COL5A2: variants seen among roughly 807,000 people sequenced by gnomAD.
COL5A2 encodes collagen type V alpha 2 chain.
COL5A2 carries 23 observed loss-of-function variants against 208.2 expected under a neutral mutation model. The observed-to-expected ratio is 0.11, with a 90% CI of 0.08 to 0.16. The LOEUF (loss-of-function observed/expected upper bound fraction) is 0.16. COL5A2 is among the 10% of genes least tolerant of loss of function. The pLI, the probability that COL5A2 is intolerant of heterozygous loss-of-function variation, is 1.00. For missense variants in COL5A2, 1,590 were observed against 1,956.4 expected, an observed-to-expected ratio of 0.81 and a Z score of 3.53; for synonymous variants, 625 against 628.5, an observed-to-expected ratio of 0.99 and a Z score of 0.08.
intron 12 of COL5A2, among the ~76,000 whole-genome samples, chr2:189,081,781 T>C (rs1188000163): frequency 2.0e-5 from 3 of 152,142 alleles, no homozygotes; most frequent in African/African-American, 4.8e-5. Flanking sequence ...TAAAAAACAA[T>C]AGAAATACCA....
At chr2:189,417,814 G>A in the COL5A2 span, among the ~76,000 whole-genome samples, 38 of 148,106 alleles carry the variant, frequency 2.6e-4, no homozygotes, top group African/African-American at 9.8e-4. Context: ...GTGTGTGTGT[G>A]TATATATATA....
At chr2:189,052,338 T>C (rs1043894958) in intron 40 of COL5A2, 113 bp from the exon 41 acceptor site, 16 of 996,052 alleles carry the variant, frequency 1.6e-5, no homozygotes, top group Non-Finnish European at 2.5e-5. Context: ...TCCTTTCATG[T>C]TGTAAGCAAT....
intron 1 of COL5A2, among the ~76,000 whole-genome samples, chr2:189,137,857 T>C (rs1687855931): frequency 6.6e-6 from 1 of 152,198 alleles, no homozygotes; most frequent in Non-Finnish European, 1.5e-5. Flanking sequence ...AAATCAATAT[T>C]TGTGTTTGAC....
At chr2:189,289,373 A>C in the COL5A2 span, among the ~76,000 whole-genome samples, 2 of 152,086 alleles carry the variant, frequency 1.3e-5, no homozygotes, top group Non-Finnish European at 2.9e-5. Flanking sequence ...AGAAAAGAAA[A>C]GAAATGTACC....
intron 45 of COL5A2, among the ~76,000 whole-genome samples, chr2:189,046,445 T>C (rs543535813): frequency 6.6e-6 from 1 of 152,310 alleles, no homozygotes; most frequent in South Asian, 2.1e-4. Flanking sequence ...TATGATGCAA[T>C]GTCCCAAGGA....
At chr2:189,405,196 A>T in the COL5A2 span, among the ~76,000 whole-genome samples, 1 of 151,950 alleles carries the variant, frequency 6.6e-6, no homozygotes, top group Non-Finnish European at 1.5e-5. Context: ...CATTAAAAAA[A>T]TAGTGACATT....
the COL5A2 span, among the ~76,000 whole-genome samples, chr2:189,279,985 C>G: frequency 6.6e-6 from 1 of 151,836 alleles, no homozygotes; most frequent in Non-Finnish European, 1.5e-5. Flanking sequence ...AATTAGTGCC[C>G]TTATAGAAGA....
In COL5A2 at chr2:189,057,309, A is replaced by G; in HGVS notation, c.2337+11T>C. On this transcript the variant is annotated intron_variant, in intron 34 of 53. Coordinates refer to ENST00000374866, the MANE Select transcript of COL5A2 (RefSeq NM_000393.5). ...TGAACTGAAAAAAAAAAAAAAAAAA[A>G]AAGGACTTACTCTGTCACCCTTGGG... 6.6e-7 allele frequency: 1 copy of G among 1,510,226 alleles called. No individual in the cohort carries two copies. Among genetic ancestry groups the G allele is most frequent in the Non-Finnish European group, 9.0e-7 (1 of 1,105,920 alleles). 93.6% of individuals were successfully genotyped at this position (1,510,226 alleles called of 1,614,324 possible).
At chr2:189,175,464 T>C (rs142859379) in intron 1 of COL5A2, among the ~76,000 whole-genome samples, 290 of 151,566 alleles carry the variant, frequency 1.9e-3, no homozygotes, top group African/African-American at 6.6e-3. Context: ...AAAACCTCAG[T>C]CCCTGATGAC....
chr2:189,398,995 C>T, the COL5A2 span, among the ~76,000 whole-genome samples: 1 of 152,122 alleles, frequency 6.6e-6, no homozygotes, highest in African/African-American at 2.4e-5. Flanking sequence ...CATAAATTCT[C>T]TCTCATACTT....
chr2:189,364,130 T>G, the COL5A2 span, among the ~76,000 whole-genome samples: 1 of 152,244 alleles, frequency 6.6e-6, no homozygotes, highest in Non-Finnish European at 1.5e-5. Context: ...ATGCAATTAA[T>G]GCAGTTATTA....
chr2:189,061,692 G>A, intron 29 of COL5A2, 77 bp from the exon 30 acceptor site: 1 of 1,031,072 alleles, frequency 9.7e-7, no homozygotes, highest in Non-Finnish European at 1.5e-6. Flanking sequence ...ACCACTAGAA[G>A]TACTGATATT....
chr2:189,106,867 A>C (rs561539725), intron 2 of COL5A2, among the ~76,000 whole-genome samples: 54 of 151,598 alleles, frequency 3.6e-4, no homozygotes, highest in South Asian at 8.3e-4. Context: ...AGATCTGTTA[A>C]GATAATTATT....
At chr2:189,161,040 G>A (rs775352071) in intron 1 of COL5A2, among the ~76,000 whole-genome samples, 26 of 150,988 alleles carry the variant, frequency 1.7e-4, no homozygotes, top group Non-Finnish European at 3.5e-4. Flanking sequence ...GGCTGGTCTC[G>A]AACTCCCAAC....
rs367568850 is a variant in COL5A2 at position 189,092,294 on chromosome 2, A to C, written c.567+16T>G. 4.0e-6 allele frequency: 6 copies of C among 1,498,062 alleles called. No homozygotes were observed. In the African/African-American group the frequency reaches 8.3e-5, roughly 21 times the overall value. The allele number at this position is 1,498,062 out of a possible 1,614,324, so 92.8% of individuals were successfully genotyped here. A position where few individuals can be genotyped will look rare whatever the true frequency, so the allele number is the denominator to read the frequency against. ...ACATGACCTGTACGTGACATCAAACAATGCACACAACTCACCCTGCTCAAG... is the reference window on the plus strand; with the variant it reads ...ACATGACCTGTACGTGACATCAAACCATGCACACAACTCACCCTGCTCAAG... On this transcript the variant is annotated intron_variant, in intron 7 of 53. Coordinates refer to ENST00000374866, the MANE Select transcript of COL5A2 (RefSeq NM_000393.5).
the COL5A2 span, among the ~76,000 whole-genome samples, chr2:189,410,422 C>T: frequency 5.9e-5 from 9 of 151,902 alleles, no homozygotes; most frequent in Admixed American, 4.6e-4. Flanking sequence ...AAAAATTAGC[C>T]GGGCATGGTG....
At chr2:189,210,137 C>A (rs1576586793) in intron 1 of COL5A2, among the ~76,000 whole-genome samples, 1 of 151,860 alleles carries the variant, frequency 6.6e-6, no homozygotes, top group East Asian at 1.9e-4. Flanking sequence ...AGGGATGAAA[C>A]AAAATGTATG....
chr2:189,260,606 C>G, the COL5A2 span, among the ~76,000 whole-genome samples: 1 of 152,120 alleles, frequency 6.6e-6, no homozygotes, highest in African/African-American at 2.4e-5. Context: ...GCACCATGAC[C>G]TACACCACAG....
chr2:189,261,158 C>T, the COL5A2 span, among the ~76,000 whole-genome samples: 5 of 151,876 alleles, frequency 3.3e-5, no homozygotes, highest in South Asian at 2.1e-4. Context: ...TATAATCATG[C>T]GGATTCCATT....
Sources: allele counts gnomAD v4.1 joint callset (sites outside exome capture counted in the v4.1 genomes callset), GRCh38; gene constraint gnomAD v4.1.1; transcripts MANE v1.5; gene names NCBI Gene and HGNC (gene_info 2026-07-23, HGNC 2026-07-21).